Variants in PHYHIP observed in about 807,000 individuals in gnomAD.
The protein encoded by PHYHIP is phytanoyl-CoA hydroxylase-interacting protein.
Under a neutral mutation model 26.1 loss-of-function variants are expected in PHYHIP, and 7 were observed. The ratio of observed to expected loss-of-function variants is 0.27; its 90% CI spans 0.15 to 0.50. PHYHIP has a LOEUF of 0.50. Among genes scored for constraint, PHYHIP ranks in the 20% least tolerant of loss-of-function variants. The probability of loss-of-function intolerance (pLI) is 0.98; values close to 1 mark genes in which losing one functional copy is unlikely to be tolerated. For synonymous variants in PHYHIP, 206 were observed against 183.4 expected (o/e 1.12, Z -1.00); for missense variants, 232 against 454.7 (o/e 0.51, Z 4.45).
Position 22,226,990 on chromosome 8 carries a change from C to T in PHYHIP, c.201G>A (p.Pro67=), listed in dbSNP as rs11547656. 646,795 of 1,612,800 alleles carry T rather than the reference C, an allele frequency of 0.4. 132,951 individuals are homozygous for T. The highest frequency in any genetic ancestry group is 0.42 in the Non-Finnish European group (497,435 of 1,179,550). Residue 67 remains proline (P), a synonymous_variant, in exon 3 of 5, where the codon CCG becomes CCA. Transcript: ENST00000454243. ...AGTGGCCTCTCACCGTCATGGGCAG[C>T]GGCACTGCCTTGGCCACGAGCTTGG... is the stretch of plus-strand genomic sequence containing the variant. ...VPTKLVAKAV[P]LPMTVRGHWF... is the part of the protein sequence containing the mutation.
At position 22,224,243 on chromosome 8, in the gene PHYHIP, C is replaced by T. The variant is rs1220303521; in HGVS notation, c.441G>A (p.Glu147=). 2 of 1,607,080 alleles carry T rather than the reference C, an allele frequency of 1.2e-6. No individual in the cohort carries two copies. Among genetic ancestry groups the T allele is most frequent in the South Asian group, 2.2e-5 (2 of 90,964 alleles). The change falls in exon 4 of 5, where the codon GAG becomes GAA. Residue 147 remains glutamate (E), a synonymous_variant. Transcript: ENST00000454243. Reference sequence around the variant, plus strand: ...GCCCATACCTGGCATGCTGGAAGTACTCCTTGTGATGGTTGCGGTAGAAGA... The same window carrying T: ...GCCCATACCTGGCATGCTGGAAGTATTCCTTGTGATGGTTGCGGTAGAAGA... ...FSVFYRNHHK[E]YFQHARTHCG...
rs374033352 is a variant in PHYHIP at position 22,224,217 on chromosome 8, C to A, written c.458+9G>T. 4.6e-6 allele frequency: 7 copies of A among 1,535,858 alleles called. No homozygotes were observed. The African/African-American group carries it at 8.2e-5, about 18-fold the overall frequency. Reference sequence around the variant, plus strand: ...CCCGGCGGGTCCAGCCGGGAGCCCGCGCCCATACCTGGCATGCTGGAAGTA... The same window carrying A: ...CCCGGCGGGTCCAGCCGGGAGCCCGAGCCCATACCTGGCATGCTGGAAGTA... On this transcript the variant is annotated intron_variant, in intron 4 of 4. Transcript: ENST00000454243.
chr8:22,225,474 A>G (rs1206204007), intron 3 of PHYHIP, among the ~76,000 whole-genome samples: 2 of 151,956 alleles, frequency 1.3e-5, no homozygotes, highest in Non-Finnish European at 2.9e-5. Flanking sequence ...AACCTGGGCA[A>G]CAGAGCAAGA....
At chr8:22,225,150 G>T (rs1252780207) in intron 3 of PHYHIP, among the ~76,000 whole-genome samples, 1 of 152,114 alleles carries the variant, frequency 6.6e-6, no homozygotes, top group Non-Finnish European at 1.5e-5. Flanking sequence ...TTCCCCACCA[G>T]GAGCAAGAGG....
At chr8:22,230,112 T>G (rs1829836442) in intron 1 of PHYHIP, among the ~76,000 whole-genome samples, 1 of 152,138 alleles carries the variant, frequency 6.6e-6, no homozygotes, top group African/African-American at 2.4e-5. Context: ...AACCAGTTTG[T>G]AATTCATGGG....
Position 22,220,830 on chromosome 8 carries a change from G to A in PHYHIP, c.*523C>T, listed in dbSNP as rs928913242. 1 of 153,886 alleles carries A rather than the reference G, an allele frequency of 6.5e-6. No homozygotes were observed. Among genetic ancestry groups the A allele is most frequent in the African/African-American group, 2.4e-5 (1 of 41,440 alleles). The allele number at this position is 153,886 out of a possible 1,614,324, so 9.5% of individuals were successfully genotyped here. ...TGGTGCAGGAGACTATTTATAGAAGGAAGGGATCCAGGCCTGGAGTGGGAA... is the reference window on the plus strand; with the variant it reads ...TGGTGCAGGAGACTATTTATAGAAGAAAGGGATCCAGGCCTGGAGTGGGAA... On this transcript the variant is annotated 3_prime_UTR_variant, in exon 5 of 5. Transcript: ENST00000454243.
intron 4 of PHYHIP, among the ~76,000 whole-genome samples, chr8:22,223,024 G>A (rs1411999310): frequency 6.6e-6 from 1 of 151,984 alleles, no homozygotes; most frequent in Non-Finnish European, 1.5e-5. Context: ...AGACTCCCAA[G>A]GTCCTCACTG....
chr8:22,224,311 C>A lies in PHYHIP; in HGVS notation c.373G>T (p.Glu125Ter). Residue 125 changes from glutamate to a stop codon, truncating the protein, a stop_gained, in exon 4 of 5, where the codon GAG (glutamate) becomes TAG (stop). Coordinates refer to ENST00000454243, the MANE Select transcript of PHYHIP (RefSeq NM_014759.5). LOFTEE classifies it high-confidence loss of function. ...CGGCCTGCGATCTGCTCAGCTTTCT[C>A]CTGAAGCTGAGCCAGGTGCTCCTTG... ...YAKEHLAQLQ[E>*]KAEQIAGRML... 1 of 1,609,762 alleles carries A rather than the reference C, an allele frequency of 6.2e-7. No individual in the cohort carries two copies. Among genetic ancestry groups the A allele is most frequent in the South Asian group, 1.1e-5 (1 of 91,004 alleles).
At chr8:22,230,379 G>T (rs138503832) in intron 1 of PHYHIP, among the ~76,000 whole-genome samples, 2,009 of 152,200 alleles carry the variant, frequency 0.013, 15 homozygotes, top group Non-Finnish European at 0.019. Context: ...GGCGGTAGGG[G>T]TCTCCAGGAC....
rs1419426332 is a variant in PHYHIP, at chr8:22,220,430, G to C, written c.*923C>G. The C allele has an allele frequency of 6.5e-6, 1 of 152,732 alleles. No homozygotes were observed. The highest frequency in any genetic ancestry group is 2.4e-5 in the African/African-American group (1 of 41,454). 9.5% of individuals were successfully genotyped at this position (152,732 alleles called of 1,614,324 possible). A position where few individuals can be genotyped will look rare whatever the true frequency, so the allele number is the denominator to read the frequency against. On this transcript the variant is annotated 3_prime_UTR_variant, in exon 5 of 5. Coordinates refer to ENST00000454243, the MANE Select transcript of PHYHIP (RefSeq NM_014759.5). ...CACCATGGCAGAGCGAGTGAGCAAA[G>C]TGCACAGCTGGGCGGGGTGCCGGGG...
intron 2 of PHYHIP, chr8:22,227,829 C>T (rs965700056): frequency 1.2e-5 from 5 of 418,322 alleles, no homozygotes; most frequent in East Asian, 6.8e-5. Flanking sequence ...AGACTTGAGA[C>T]GTCATCCCCA....
intron 1 of PHYHIP, among the ~76,000 whole-genome samples, chr8:22,230,264 C>T (rs1254993278): frequency 2.0e-5 from 3 of 151,880 alleles, no homozygotes; most frequent in Admixed American, 6.6e-5. Context: ...AGGCCCTGAG[C>T]GGCACCCACC....
chr8:22,228,635 G>C (rs1333759650), intron 1 of PHYHIP: 4 of 309,692 alleles, frequency 1.3e-5, no homozygotes, highest in African/African-American at 8.5e-5. Context: ...CTGACAGGTG[G>C]CAGAGGCAGT....
rs1029053975 is a variant in PHYHIP, at chr8:22,228,008, C to G, written c.165+185G>C. On this transcript the variant is annotated intron_variant, in intron 2 of 4. Coordinates refer to ENST00000454243, the MANE Select transcript of PHYHIP (RefSeq NM_014759.5). ...CCCCGTGAGGCTTGGCATTGTTATTCCCTCTTTACCAGGGAAGGAGCTCAG... is the reference window on the plus strand; with the variant it reads ...CCCCGTGAGGCTTGGCATTGTTATTGCCTCTTTACCAGGGAAGGAGCTCAG... Among the ~76,000 whole-genome samples the G allele has an allele frequency of 3.2e-4, 48 of 152,370 alleles. 2 individuals carry two copies. Among genetic ancestry groups the G allele is most frequent in the African/African-American group, 1.1e-3 (46 of 41,588 alleles).
In PHYHIP at chr8:22,224,362, G is replaced by A. The variant is rs201542338; in HGVS notation, c.341-19C>T. The A allele has an allele frequency of 5.9e-5, 86 of 1,460,702 alleles. No homozygotes were observed. The Admixed American group carries it at 1.2e-3, about 21-fold the overall frequency. 90.5% of individuals were successfully genotyped at this position (1,460,702 alleles called of 1,614,324 possible). On this transcript the variant is annotated intron_variant, in intron 3 of 4. Coordinates refer to ENST00000454243, the MANE Select transcript of PHYHIP (RefSeq NM_014759.5). ...GCATAATCTGCAAGATCCCAGATGC[G>A]GTAGGTGAGCCGAGGGCCAGCTGAG...
At chr8:22,225,640 C>A (rs1233341164) in intron 3 of PHYHIP, among the ~76,000 whole-genome samples, 195 of 127,798 alleles carry the variant, frequency 1.5e-3, no homozygotes, top group Middle Eastern at 4.1e-3. Flanking sequence ...ACTAAAAATA[C>A]AAAAAAAAAA....
intron 3 of PHYHIP, among the ~76,000 whole-genome samples, chr8:22,225,675 G>A (rs1430938529): frequency 4.6e-5 from 7 of 150,772 alleles, no homozygotes; most frequent in Non-Finnish European, 1.0e-4. Context: ...CATGGTGGTG[G>A]GCGTCTGTAA....
At chr8:22,224,155 C>T in intron 4 of PHYHIP, 71 bp downstream of exon 4, 1 of 926,418 alleles carries the variant, frequency 1.1e-6, no homozygotes, top group Non-Finnish European at 1.8e-6. Context: ...CTCAGACAGC[C>T]AGGACAGGAG....
rs377023831 is a variant in PHYHIP at position 22,221,590 on chromosome 8, G to A, written c.756C>T (p.Asp252=). 9.9e-6 allele frequency: 16 copies of A among 1,613,896 alleles called. 2 individuals are homozygous for A. In the South Asian group the frequency reaches 1.5e-4, roughly 16 times the overall value. Residue 252 remains aspartate, a synonymous_variant, in exon 5 of 5, where the codon GAC becomes GAT. Coordinates refer to ENST00000454243, the MANE Select transcript of PHYHIP (RefSeq NM_014759.5). The surrounding 1 kb of genome is among the most constrained non-coding windows in gnomAD (Gnocchi z 7.9). ...AAGCAATGTCCAGGAGGGGCAGGCG[G>A]TCGCGGCAGAAGCGGTCCCCCAGGG... ...KGSLGDRFCR[D]RLPLLDIACN...
Sources: allele counts gnomAD v4.1 joint callset (sites outside exome capture counted in the v4.1 genomes callset), GRCh38; gene constraint gnomAD v4.1.1; non-coding constraint Gnocchi (gnomAD v3.1); transcripts MANE v1.5; gene names NCBI Gene and HGNC (gene_info 2026-07-23, HGNC 2026-07-21).